The following EPHA6 variants were observed in gnomAD, a reference collection of about 807,000 sequenced individuals.
EPHA6 encodes EPH receptor A6.
EPHA6 carries 50 observed loss-of-function variants against 112.0 expected under a neutral mutation model. The ratio of observed to expected loss-of-function variants is 0.45; its 90% confidence interval spans 0.36 to 0.56. The LOEUF (loss-of-function observed/expected upper bound fraction) is 0.56, where lower values mean the gene tolerates loss of function less well. Among genes scored for constraint, EPHA6 ranks in the 20% least tolerant of loss-of-function variants. The pLI, the probability that EPHA6 is intolerant of heterozygous loss-of-function variation, is 0.00. For synonymous variants in EPHA6, 529 were observed against 490.7 expected (o/e 1.08, Z -1.03); for missense variants, 1,280 against 1,417.4 (o/e 0.90, Z 1.56).
At chr3:97,293,503 G>A (rs1171943020) in intron 5 of EPHA6, among the ~76,000 whole-genome samples, 1 of 152,204 alleles carries the variant, frequency 6.6e-6, no homozygotes, top group Non-Finnish European at 1.5e-5. Context: ...CTACAGGCAG[G>A]TCACCCCAAA....
intron 3 of EPHA6, among the ~76,000 whole-genome samples, chr3:97,007,108 G>A (rs563656428): frequency 1.2e-4 from 18 of 152,298 alleles, no homozygotes; most frequent in Admixed American, 2.0e-4. Context: ...TTCTGTAGAC[G>A]TCTATTAGGT....
chr3:97,333,930 A>G (rs2082930125), intron 5 of EPHA6, among the ~76,000 whole-genome samples: 1 of 152,084 alleles, frequency 6.6e-6, no homozygotes. Context: ...GTGTGGTGTT[A>G]TCTGTATGTT....
chr3:97,042,612 A>T (rs1362313497), intron 3 of EPHA6, among the ~76,000 whole-genome samples: 1 of 151,832 alleles, frequency 6.6e-6, no homozygotes, highest in African/African-American at 2.4e-5. Flanking sequence ...CTCTCTTAGG[A>T]CTCAATGCTC....
intron 3 of EPHA6, among the ~76,000 whole-genome samples, chr3:97,013,528 T>G (rs1236881225): frequency 6.6e-6 from 1 of 152,174 alleles, no homozygotes; most frequent in Non-Finnish European, 1.5e-5. Context: ...GAATTGCCAT[T>G]AATTATCACA....
rs149461694 is a variant in EPHA6 at position 97,134,743 on chromosome 3, A to C, written c.1115-91521A>C. Among the ~76,000 whole-genome samples, 119 of 152,302 alleles carry C rather than the reference A, an allele frequency of 7.8e-4. 2 individuals are homozygous for C. The East Asian group carries it at 0.021, about 27-fold the overall frequency. On this transcript the variant is annotated intron_variant, in intron 3 of 17. Transcript: ENST00000389672. ...TAATTTTCAAATTTACAGATTAAAAAAATCAATGAGTAGAATACTACCAAA... is the reference window on the plus strand; with the variant it reads ...TAATTTTCAAATTTACAGATTAAAACAATCAATGAGTAGAATACTACCAAA...
chr3:97,461,408 G>A (rs1304620335), intron 7 of EPHA6, among the ~76,000 whole-genome samples: 5 of 152,078 alleles, frequency 3.3e-5, no homozygotes, highest in African/African-American at 7.2e-5. Context: ...TCTGGAAAAT[G>A]GATATAAGGA....
intron 11 of EPHA6, among the ~76,000 whole-genome samples, chr3:97,562,075 C>A (rs1239408245): frequency 2.0e-5 from 3 of 152,166 alleles, no homozygotes; most frequent in Non-Finnish European, 2.9e-5. Context: ...TGCACTTAGT[C>A]ACCCAAGAGC....
At chr3:96,980,532 C>T (rs562358207) in intron 2 of EPHA6, among the ~76,000 whole-genome samples, 32 of 151,704 alleles carry the variant, frequency 2.1e-4, no homozygotes, top group Admixed American at 1.3e-3. Flanking sequence ...CTTGGCAATG[C>T]GGGCTCTTTT....
At chr3:97,319,185 T>C (rs1402087941) in intron 5 of EPHA6, among the ~76,000 whole-genome samples, 2 of 151,140 alleles carry the variant, frequency 1.3e-5, no homozygotes, top group Non-Finnish European at 2.9e-5. Flanking sequence ...AGTTGTGTCT[T>C]CTGTGAAAGA....
chr3:97,433,585 A>T lies in EPHA6; in HGVS notation c.1732-14983A>T, dbSNP rs147698137. ...TTTACATTTTAAAAGGTGACTAGGC[A>T]TACTTGGAAGTTCAAAGCAGTAGGA... On this transcript the variant is annotated intron_variant, in intron 6 of 17. Coordinates refer to ENST00000389672, the MANE Select transcript of EPHA6 (RefSeq NM_001080448.3). 9.5e-3 allele frequency among the ~76,000 whole-genome samples: 1,453 copies of T among 152,292 alleles called. 24 individuals carry two copies. Among genetic ancestry groups the T allele is most frequent in the African/African-American group, 0.033 (1,387 of 41,558 alleles).
intron 14 of EPHA6, among the ~76,000 whole-genome samples, chr3:97,654,758 G>A (rs2094127734): frequency 6.6e-6 from 1 of 151,848 alleles, no homozygotes; most frequent in African/African-American, 2.4e-5. Flanking sequence ...GTAGGGGAGA[G>A]TGTTAAGGAA....
chr3:97,482,777 G>A (rs1394375866), intron 9 of EPHA6, among the ~76,000 whole-genome samples: 1 of 152,100 alleles, frequency 6.6e-6, no homozygotes, highest in Non-Finnish European at 1.5e-5. Flanking sequence ...AATCTAAGAA[G>A]CAACAAAACC....
intron 11 of EPHA6, among the ~76,000 whole-genome samples, chr3:97,545,060 T>G (rs1006981103): frequency 1.3e-5 from 2 of 152,166 alleles, no homozygotes; most frequent in African/African-American, 4.8e-5. Context: ...GTGTCTCTAT[T>G]TCTTTCAGTT....
At chr3:97,279,444 T>C (rs991622014) in intron 5 of EPHA6, among the ~76,000 whole-genome samples, 2 of 151,884 alleles carry the variant, frequency 1.3e-5, no homozygotes, top group African/African-American at 2.4e-5. Context: ...TGAGCCATCA[T>C]AAGCATCTTT....
intron 14 of EPHA6, among the ~76,000 whole-genome samples, chr3:97,683,747 T>C (rs2032040775): frequency 6.6e-6 from 1 of 152,166 alleles, no homozygotes; most frequent in Admixed American, 6.6e-5. Flanking sequence ...TATTTCTCCT[T>C]TGCCCTTCTG....
chr3:97,461,788 A>G (rs2090897199), intron 7 of EPHA6, among the ~76,000 whole-genome samples: 1 of 152,146 alleles, frequency 6.6e-6, no homozygotes, highest in Non-Finnish European at 1.5e-5. Flanking sequence ...TCCCCAAGGT[A>G]TGTTGACCTC....
At chr3:97,380,726 A>G (rs1344735330) in intron 5 of EPHA6, among the ~76,000 whole-genome samples, 2 of 152,206 alleles carry the variant, frequency 1.3e-5, no homozygotes, top group African/African-American at 2.4e-5. Flanking sequence ...AGAATCCATT[A>G]TAAAGAAATA....
At chr3:96,889,869 A>G (rs2037852148) in intron 2 of EPHA6, among the ~76,000 whole-genome samples, 1 of 152,222 alleles carries the variant, frequency 6.6e-6, no homozygotes, top group Admixed American at 6.5e-5. Flanking sequence ...ATTTAAAAGC[A>G]GACCCACCAT....
chr3:97,203,057 G>A (rs558499075), intron 3 of EPHA6, among the ~76,000 whole-genome samples: 3 of 152,164 alleles, frequency 2.0e-5, no homozygotes, highest in Admixed American at 6.6e-5. Context: ...CTGCCCAACT[G>A]CCCTCTGACA....
Sources: allele counts gnomAD v4.1 joint callset (sites outside exome capture counted in the v4.1 genomes callset), GRCh38; gene constraint gnomAD v4.1.1; transcripts MANE v1.5; gene names NCBI Gene and HGNC (gene_info 2026-07-23, HGNC 2026-07-21).